The following TMEM132D variants were observed in gnomAD, a reference collection of about 807,000 sequenced individuals.
TMEM132D encodes the protein mature OL transmembrane protein.
Under a neutral mutation model 62.3 loss-of-function variants are expected in TMEM132D, and 21 were observed. The observed-to-expected ratio is 0.34, with a 90% CI of 0.24 to 0.49. TMEM132D has a LOEUF of 0.49. Among genes scored for constraint, TMEM132D ranks in the 20% least tolerant of loss-of-function variants. The pLI, the probability that TMEM132D is intolerant of heterozygous loss-of-function variation, is 0.99. For synonymous variants in TMEM132D, 621 were observed against 575.6 expected, an observed-to-expected ratio of 1.08 and a Z score of -1.13; for missense variants, 1,346 against 1,402.8, an observed-to-expected ratio of 0.96 and a Z score of 0.65.
At chr12:129,899,321 AT>A (rs1875262626) in intron 1 of TMEM132D, among the ~76,000 whole-genome samples, 1 of 137,754 alleles carries the variant, frequency 7.3e-6, no homozygotes, top group Non-Finnish European at 1.5e-5. Context: ...GGATGGATGG[AT>A]GGATGGATGG....
chr12:129,893,703 C>T (rs772280139), intron 1 of TMEM132D, among the ~76,000 whole-genome samples: 39 of 152,234 alleles, frequency 2.6e-4, no homozygotes, highest in Admixed American at 4.6e-4. Context: ...TGATATCATC[C>T]ATCCATTGCC....
intron 3 of TMEM132D, among the ~76,000 whole-genome samples, chr12:129,412,451 T>C (rs1300410368): frequency 6.6e-6 from 1 of 152,204 alleles, no homozygotes; most frequent in African/African-American, 2.4e-5. Flanking sequence ...TGCCTAATAT[T>C]TTAAAATTCA....
At chr12:129,679,288 ATTAT>A (rs1379311254) in intron 2 of TMEM132D, among the ~76,000 whole-genome samples, 3 of 152,036 alleles carry the variant, frequency 2.0e-5, no homozygotes, top group Non-Finnish European at 2.9e-5. Context: ...TTATTAGCAA[ATTAT>A]TTATTTTTAA....
At chr12:129,838,691 T>C (rs539654473) in intron 1 of TMEM132D, among the ~76,000 whole-genome samples, 3 of 152,230 alleles carry the variant, frequency 2.0e-5, no homozygotes, top group South Asian at 4.1e-4. Flanking sequence ...ATAGTATTCA[T>C]AGGATATGAA....
chr12:129,356,917 A>AAAGAG (rs1555250238), intron 3 of TMEM132D, among the ~76,000 whole-genome samples: 2 of 104,458 alleles, frequency 1.9e-5, no homozygotes, highest in African/African-American at 9.0e-5. Context: ...AAGGTAAGGA[A>AAAGAG]AGGAGAGGAG....
At chr12:129,480,372 A>G (rs1874392716) in intron 3 of TMEM132D, among the ~76,000 whole-genome samples, 1 of 152,236 alleles carries the variant, frequency 6.6e-6, no homozygotes. Flanking sequence ...TCTGGAGCAG[A>G]CAAGTGTCCT....
chr12:129,256,803 C>T (rs1473754126), intron 4 of TMEM132D, among the ~76,000 whole-genome samples: 1 of 152,226 alleles, frequency 6.6e-6, no homozygotes, highest in Admixed American at 6.5e-5. Context: ...TCAGGTGATC[C>T]ACCCGCTTTG....
intron 4 of TMEM132D, among the ~76,000 whole-genome samples, chr12:129,251,694 T>C (rs997797916): frequency 6.6e-6 from 1 of 152,198 alleles, no homozygotes; most frequent in Non-Finnish European, 1.5e-5. Context: ...GCCACAAAGT[T>C]GGAAAACATT....
chr12:129,764,127 C>T (rs1013649933), intron 1 of TMEM132D, among the ~76,000 whole-genome samples: 9 of 152,126 alleles, frequency 5.9e-5, no homozygotes, highest in South Asian at 2.1e-4. Flanking sequence ...ACCATAATGG[C>T]GTCATCAGGT....
intron 3 of TMEM132D, among the ~76,000 whole-genome samples, chr12:129,362,464 C>T (rs933106068): frequency 3.9e-5 from 5 of 127,146 alleles, no homozygotes; most frequent in African/African-American, 1.5e-4. Context: ...GAGCTGGAAT[C>T]TCTGCTACAG....
At chr12:129,123,356 C>T (rs760105985) in intron 5 of TMEM132D, among the ~76,000 whole-genome samples, 12 of 151,854 alleles carry the variant, frequency 7.9e-5, no homozygotes, top group African/African-American at 1.7e-4. Context: ...CCTAAATATT[C>T]GGTAATTCCG....
Position 129,695,533 on chromosome 12 carries a change from C to CT in TMEM132D, c.968+4276dup, listed in dbSNP as rs571895542. Among the ~76,000 whole-genome samples the CT allele has an allele frequency of 2.0e-5, 3 of 152,358 alleles. No individual in the cohort carries two copies. The South Asian group carries it at 6.2e-4, about 32-fold the overall frequency. On this transcript the variant is annotated intron_variant, in intron 2 of 8. Coordinates refer to ENST00000422113, the MANE Select transcript of TMEM132D (RefSeq NM_133448.3). The stretch of plus-strand genomic sequence containing the variant: ...AATCCCAGGTACAGACCACATGTCA[C>CT]TGGACATTGGTATAATTTGAATACA...
chr12:129,649,449 A>G (rs1419887686), intron 2 of TMEM132D, among the ~76,000 whole-genome samples: 1 of 152,154 alleles, frequency 6.6e-6, no homozygotes, highest in Non-Finnish European at 1.5e-5. Flanking sequence ...ATGAGACAGA[A>G]ATTTTGTAAT....
chr12:129,086,496 G>GTGTT (rs1874626284), intron 5 of TMEM132D, among the ~76,000 whole-genome samples: 1 of 152,028 alleles, frequency 6.6e-6, no homozygotes, highest in Admixed American at 6.6e-5. Context: ...AGAATAAGTG[G>GTGTT]TGTTTGACTT....
chr12:129,351,351 C>T (rs1209269785), intron 3 of TMEM132D, among the ~76,000 whole-genome samples: 2 of 152,324 alleles, frequency 1.3e-5, no homozygotes, highest in Non-Finnish European at 2.9e-5. Flanking sequence ...CAGGCACCTA[C>T]AATCAGTATC....
intron 4 of TMEM132D, among the ~76,000 whole-genome samples, chr12:129,300,097 T>C (rs1464321708): frequency 3.3e-5 from 5 of 152,250 alleles, no homozygotes; most frequent in Non-Finnish European, 7.3e-5. Context: ...ATTCTTGGAA[T>C]GGTGGCTGTT....
At chr12:129,213,710 T>C (rs4964870) in intron 4 of TMEM132D, among the ~76,000 whole-genome samples, 96,184 of 151,774 alleles carry the variant, frequency 0.63, 30,605 homozygotes, top group East Asian at 0.69. Flanking sequence ...GTGCCAGGCT[T>C]TTAACAATGC....
chr12:129,543,084 T>TGATA (rs200587002), intron 2 of TMEM132D, among the ~76,000 whole-genome samples: 1 of 147,662 alleles, frequency 6.8e-6, no homozygotes, highest in Admixed American at 7.1e-5. Context: ...GACAGTAAAT[T>TGATA]GATAGATAGA....
At chr12:129,786,617 A>G (rs989499815) in intron 1 of TMEM132D, among the ~76,000 whole-genome samples, 1 of 152,188 alleles carries the variant, frequency 6.6e-6, no homozygotes, top group African/African-American at 2.4e-5. Context: ...GTGGCCAGGC[A>G]TGATAGCTCA....
Sources: gnomAD v4.1 joint callset for allele counts (sites outside exome capture counted in the v4.1 genomes callset) on GRCh38, gnomAD v4.1.1 for gene constraint, MANE v1.5 for transcripts, NCBI Gene and HGNC (gene_info 2026-07-23, HGNC 2026-07-21) for gene names.